The following PCDHGA5 variants were observed in gnomAD, a reference collection of about 807,000 sequenced individuals.
PCDHGA5 encodes protocadherin gamma-A5.
PCDHGA5 carries 36 observed loss-of-function variants against 56.7 expected under a neutral mutation model. That is an observed-to-expected ratio of 0.64 (90% CI 0.49 to 0.84). The LOEUF (loss-of-function observed/expected upper bound fraction) is 0.84, where lower values mean the gene tolerates loss of function less well. Ranked by LOEUF, PCDHGA5 falls within the 40% of genes least tolerant of loss-of-function variation. The pLI, the probability that PCDHGA5 is intolerant of heterozygous loss-of-function variation, is 0.00. For missense variants in PCDHGA5, 1,305 were observed against 1,201.5 expected, an observed-to-expected ratio of 1.09 and a Z score of -1.27; for synonymous variants, 563 against 520.2, an observed-to-expected ratio of 1.08 and a Z score of -1.12.
At position 141,366,706 on chromosome 5, in the gene PCDHGA5, G is replaced by A. The variant is rs202189432; in HGVS notation, c.2376G>A (p.Leu792=). The A allele has an allele frequency of 6.2e-7, 1 of 1,614,124 alleles. No individual in the cohort carries two copies. Among genetic ancestry groups the A allele is most frequent in the African/African-American group, 1.3e-5 (1 of 74,946 alleles). The change falls in exon 1 of 4, where the codon CTG becomes CTA. Residue 792 remains leucine (L), a synonymous_variant. Coordinates refer to ENST00000518069, the MANE Select transcript of PCDHGA5 (RefSeq NM_018918.3). ...EESCEKSEPL[L]MSDKVDANKE... The stretch of plus-strand genomic sequence containing the variant: ...GCTGTGAGAAAAGCGAGCCTCTTCT[G>A]ATGTCTGATAAGGTAGATGCAAACA...
At position 141,487,215 on chromosome 5, in the gene PCDHGA5, C is replaced by G. The variant is rs1248989099; in HGVS notation, c.2422-7592C>G. 4 of 1,613,850 alleles carry G rather than the reference C, an allele frequency of 2.5e-6. No homozygotes were observed. Among genetic ancestry groups the G allele is most frequent in the East Asian group, 4.5e-5 (2 of 44,882 alleles). The stretch of plus-strand genomic sequence containing the variant: ...GTCCCAGATCTTCGAGAATCTTCAG[C>G]TCCAAGGGAAGGAGAATCTCGTCTA... On this transcript the variant is annotated intron_variant, in intron 1 of 3. Coordinates refer to ENST00000518069, the MANE Select transcript of PCDHGA5 (RefSeq NM_018918.3). This position sits in a 1 kb window ranked among gnomAD's most constrained non-coding sequence, Gnocchi z 5.0.
intron 1 of PCDHGA5, chr5:141,419,364 C>T (rs1360235541): frequency 1.1e-5 from 18 of 1,613,690 alleles, no homozygotes; most frequent in Non-Finnish European, 1.3e-5. Flanking sequence ...CGAACGCTGT[C>T]GTCCTACGTG....
chr5:141,394,081 T>C, intron 1 of PCDHGA5: 3 of 1,613,892 alleles, frequency 1.9e-6, no homozygotes, highest in Non-Finnish European at 2.5e-6. Context: ...ATCACAGTGA[T>C]GGCCTCAGAT....
Position 141,409,176 on chromosome 5 carries a change from G to A in PCDHGA5, c.2421+42425G>A. On this transcript the variant is annotated intron_variant, in intron 1 of 3. Transcript: ENST00000518069. ...ATGGAAGTGGAAGCGAAGGACGGAG[G>A]TGGTCTCTCTACCCAGTGTAAAGTA... The A allele has an allele frequency of 6.2e-7, 1 of 1,614,026 alleles. No individual in the cohort carries two copies. The highest frequency in any genetic ancestry group is 8.5e-7 in the Non-Finnish European group (1 of 1,179,892).
rs143907071 is a variant in PCDHGA5, at chr5:141,372,926, G to A, written c.2421+6175G>A. 48 of 943,814 alleles carry A rather than the reference G, an allele frequency of 5.1e-5. No individual in the cohort carries two copies. In the African/African-American group the frequency reaches 7.5e-4, roughly 15 times the overall value. 58.5% of individuals were successfully genotyped at this position (943,814 alleles called of 1,614,324 possible). On this transcript the variant is annotated intron_variant, in intron 1 of 3. Coordinates refer to ENST00000518069, the MANE Select transcript of PCDHGA5 (RefSeq NM_018918.3). ...GATTACATTATTTTATTGATTTTCT[G>A]GTGTAGAGTAGGGTGTCTAGGAAAT...
chr5:141,373,015 TG>T (rs1769262754), intron 1 of PCDHGA5, among the ~76,000 whole-genome samples: 1 of 152,232 alleles, frequency 6.6e-6, no homozygotes, highest in Non-Finnish European at 1.5e-5. Flanking sequence ...AGCCTCCTTT[TG>T]ATAGTCTTGA....
intron 1 of PCDHGA5, chr5:141,415,325 C>T (rs1046074461): frequency 2.2e-5 from 35 of 1,614,212 alleles, no homozygotes; most frequent in East Asian, 6.7e-5. Context: ...GTGCTGCTGG[C>T]GCACAGGCTG....
intron 1 of PCDHGA5, chr5:141,388,654 C>T (rs2091438371): frequency 3.1e-6 from 5 of 1,613,846 alleles, no homozygotes; most frequent in Non-Finnish European, 4.2e-6. Flanking sequence ...AACGTGTACC[C>T]GGGGACCACG....
At position 141,486,679 on chromosome 5, in the gene PCDHGA5, A is replaced by G. The variant is rs1416879364; in HGVS notation, c.2422-8128A>G. The G allele has an allele frequency of 6.2e-7, 1 of 1,614,092 alleles. No individual in the cohort carries two copies. The highest frequency in any genetic ancestry group is 1.7e-5 in the Admixed American group (1 of 60,026). On this transcript the variant is annotated intron_variant, in intron 1 of 3. Coordinates refer to ENST00000518069, the MANE Select transcript of PCDHGA5 (RefSeq NM_018918.3). The surrounding 1 kb of genome is among the most constrained non-coding windows in gnomAD (Gnocchi z 5.0). Reference sequence around the variant, plus strand: ...TCCTGGAGCCCAGGAATCGAGATGTATCAGCTTCCTCTTTCATCTCTCTGA... The same window carrying G: ...TCCTGGAGCCCAGGAATCGAGATGTGTCAGCTTCCTCTTTCATCTCTCTGA...
At chr5:141,479,651 C>CAAA (rs931031810) in intron 1 of PCDHGA5, 2 of 152,124 alleles carry the variant, frequency 1.3e-5, no homozygotes, top group African/African-American at 2.4e-5. Flanking sequence ...ACAACAACAA[C>CAAA]AATCCCAGAA....
At chr5:141,410,849 C>CTTTTTTTTTTTTTTTTTTTCTT (rs2095436178) in intron 1 of PCDHGA5, 1 of 129,786 alleles carries the variant, frequency 7.7e-6, no homozygotes, top group Non-Finnish European at 1.3e-5. Context: ...TTGTCTTTGT[C>CTTTTTTTTTTTTTTTTTTTCTT]TTTTTTTTTT....
intron 1 of PCDHGA5, chr5:141,387,838 A>G: frequency 6.3e-7 from 1 of 1,598,726 alleles, no homozygotes; most frequent in East Asian, 2.2e-5. Context: ...GGTTATTTGT[A>G]ACCCGGCGTC....
At chr5:141,379,889 CTTTTTTTTTTTTTTTTTTT>C (rs70988800) in intron 1 of PCDHGA5, among the ~76,000 whole-genome samples, 3 of 50,830 alleles carry the variant, frequency 5.9e-5, no homozygotes, top group African/African-American at 1.3e-4. Flanking sequence ...GTGAAAGCCT[CTTTTTTTTTTTTTTTTTTT>C]TTTTTTTTTT....
In PCDHGA5 at chr5:141,491,357, T is replaced by C; in HGVS notation, c.2422-3450T>C. 6.2e-7 allele frequency: 1 copy of C among 1,614,144 alleles called. No homozygotes were observed. Among genetic ancestry groups the C allele is most frequent in the South Asian group, 1.1e-5 (1 of 91,080 alleles). On this transcript the variant is annotated intron_variant, in intron 1 of 3. Transcript: ENST00000518069. This position sits in a 1 kb window ranked among gnomAD's most constrained non-coding sequence, Gnocchi z 6.9. ...CTAGCGACCGTCAGTCTCTTATCCCTAGTCACCTTCACCTTTCTGTCAGCG... is the reference window on the plus strand; with the variant it reads ...CTAGCGACCGTCAGTCTCTTATCCCCAGTCACCTTCACCTTTCTGTCAGCG...
In PCDHGA5 at chr5:141,431,248, G is replaced by C. The variant is rs1213088915; in HGVS notation, c.2422-63559G>C. On this transcript the variant is annotated intron_variant, in intron 1 of 3. Coordinates refer to ENST00000518069, the MANE Select transcript of PCDHGA5 (RefSeq NM_018918.3). This position sits in a 1 kb window ranked among gnomAD's most constrained non-coding sequence, Gnocchi z 4.8. ...CCCACGCCTGGGATCCGGATATCGG[G>C]AAGAACTCTCTGCAGAGCTACGAGC... is the stretch of plus-strand genomic sequence containing the variant. 5 of 1,614,022 alleles carry C rather than the reference G, an allele frequency of 3.1e-6. No homozygotes were observed. Among genetic ancestry groups the C allele is most frequent in the Non-Finnish European group, 4.2e-6 (5 of 1,180,056 alleles).
At chr5:141,447,163 G>T (rs11167747) in intron 1 of PCDHGA5, among the ~76,000 whole-genome samples, 6,233 of 151,894 alleles carry the variant, frequency 0.041, 196 homozygotes, top group Admixed American at 0.075. Flanking sequence ...TGTTTAAGCG[G>T]GGTCTTGCTC....
chr5:141,435,973 G>T (rs1420195337), intron 1 of PCDHGA5, among the ~76,000 whole-genome samples: 1 of 152,028 alleles, frequency 6.6e-6, no homozygotes, highest in East Asian at 1.9e-4. Context: ...AGAGTGTGTG[G>T]TTCTACTTGT....
intron 1 of PCDHGA5, chr5:141,376,030 C>G (rs766254447): frequency 1.2e-6 from 2 of 1,613,082 alleles, no homozygotes; most frequent in Non-Finnish European, 1.7e-6. Flanking sequence ...TCCAGGACCA[C>G]GGCCAGCCCC....
chr5:141,415,247 C>G, intron 1 of PCDHGA5: 1 of 1,614,210 alleles, frequency 6.2e-7, no homozygotes. Context: ...TCTGAAACCT[C>G]AGACCTCACT....
Sources: allele counts gnomAD v4.1 joint callset (sites outside exome capture counted in the v4.1 genomes callset), GRCh38; gene constraint gnomAD v4.1.1; non-coding constraint Gnocchi (gnomAD v3.1); transcripts MANE v1.5; gene names NCBI Gene and HGNC (gene_info 2026-07-23, HGNC 2026-07-21).